PRMT8: variants seen among roughly 807,000 people sequenced by gnomAD.
The protein encoded by PRMT8 is protein arginine N-methyltransferase 8.
PRMT8 carries 7 observed loss-of-function variants against 47.1 expected under a neutral mutation model. The ratio of observed to expected loss-of-function variants is 0.15; its 90% CI spans 0.08 to 0.28. The LOEUF (loss-of-function observed/expected upper bound fraction) is 0.28. Ranked by LOEUF, PRMT8 falls within the 10% of genes least tolerant of loss-of-function variation. The pLI, the probability that PRMT8 is intolerant of heterozygous loss-of-function variation, is 1.00. For synonymous variants in PRMT8, 188 were observed against 186.5 expected (o/e 1.01, Z -0.07); for missense variants, 237 against 505.4 (o/e 0.47, Z 5.09).
intron 1 of PRMT8, among the ~76,000 whole-genome samples, chr12:3,532,763 A>C (rs73043230): frequency 0.13 from 19,006 of 151,924 alleles, 1,459 homozygotes; most frequent in East Asian, 0.29. Flanking sequence ...TTCAAACTTT[A>C]TGGTGTATCA....
At chr12:3,577,238 G>T in intron 7 of PRMT8, among the ~76,000 whole-genome samples, 1 of 152,256 alleles carries the variant, frequency 6.6e-6, no homozygotes, top group East Asian at 1.9e-4. Flanking sequence ...GCGTGCAGAA[G>T]GGTGGGGGTG....
intron 1 of PRMT8, among the ~76,000 whole-genome samples, chr12:3,439,784 C>T (rs7303490): frequency 0.86 from 130,571 of 152,230 alleles, 56,370 homozygotes; most frequent in Non-Finnish European, 0.91. Context: ...TGTATTGTCT[C>T]TGCTGTGGAT....
intron 1 of PRMT8, among the ~76,000 whole-genome samples, chr12:3,471,313 C>T (rs181224987): frequency 6.6e-6 from 1 of 152,182 alleles, no homozygotes; most frequent in East Asian, 1.9e-4. Context: ...TCTCTGCAAA[C>T]CCCAGGTGCT....
chr12:3,571,500 C>T (rs1245157114), intron 6 of PRMT8, among the ~76,000 whole-genome samples: 2 of 152,124 alleles, frequency 1.3e-5, no homozygotes, highest in Non-Finnish European at 2.9e-5. Flanking sequence ...GGAGCCTTTG[C>T]AGGTATGCAC....
chr12:3,517,362 C>T (rs901095856), intron 1 of PRMT8, among the ~76,000 whole-genome samples: 1 of 152,162 alleles, frequency 6.6e-6, no homozygotes, highest in Admixed American at 6.5e-5. Context: ...AGAGGGGAGA[C>T]ACATCCCACT....
chr12:3,534,781 A>C (rs1591590197), intron 1 of PRMT8, among the ~76,000 whole-genome samples: 1 of 152,232 alleles, frequency 6.6e-6, no homozygotes, highest in East Asian at 1.9e-4. Context: ...GCAGTAGCTC[A>C]GTTAAGCTTG....
chr12:3,491,414 G>C lies in PRMT8; in HGVS notation c.-212G>C. 2 of 1,333,590 alleles carry C rather than the reference G, an allele frequency of 1.5e-6. No individual in the cohort carries two copies. Among genetic ancestry groups the C allele is most frequent in the Non-Finnish European group, 1.9e-6 (2 of 1,042,310 alleles). 82.6% of individuals were successfully genotyped at this position (1,333,590 alleles called of 1,614,324 possible). On this transcript the variant is annotated 5_prime_UTR_variant, in exon 1 of 10. Coordinates refer to ENST00000382622, the MANE Select transcript of PRMT8 (RefSeq NM_019854.5). ...GAGAAGAACTTGAAACCGTGTGAAG[G>C]AATCCGGAGCAGATGAGAAGGGAGG...
intron 1 of PRMT8, among the ~76,000 whole-genome samples, chr12:3,510,909 G>A (rs902530127): frequency 2.0e-5 from 3 of 152,116 alleles, no homozygotes; most frequent in Non-Finnish European, 4.4e-5. Flanking sequence ...CCAGTTCCTC[G>A]GGCCCTCAGC....
chr12:3,419,629 G>A (rs967286510), intron 1 of PRMT8, among the ~76,000 whole-genome samples: 10 of 151,578 alleles, frequency 6.6e-5, no homozygotes, highest in South Asian at 2.1e-4. Flanking sequence ...CTCCATCCCC[G>A]CTACCACTCT....
chr12:3,457,921 C>A (rs1211203156), intron 1 of PRMT8, among the ~76,000 whole-genome samples: 2 of 140,204 alleles, frequency 1.4e-5, no homozygotes, highest in East Asian at 2.2e-4. Context: ...CAGCTCACTG[C>A]AACCTCCACC....
At position 3,449,320 on chromosome 12, in the gene PRMT8, C is replaced by T. The variant is rs199686070; in HGVS notation, c.48+67878C>T. Among the ~76,000 whole-genome samples, 143 of 152,296 alleles carry T rather than the reference C, an allele frequency of 9.4e-4. No homozygotes were observed. In the East Asian group the frequency reaches 0.025, roughly 26 times the overall value. On this transcript the variant is annotated intron_variant, in intron 1 of 9. Coordinates refer to the PRMT8 transcript ENST00000452611. ...CTTTGAGGAATTGCCATACTGTCTTCCACAATGGTTGAATGAATTTACACT... is the reference window on the plus strand; with the variant it reads ...CTTTGAGGAATTGCCATACTGTCTTTCACAATGGTTGAATGAATTTACACT...
intron 1 of PRMT8, among the ~76,000 whole-genome samples, chr12:3,421,374 A>G (rs1864538874): frequency 6.6e-6 from 1 of 152,216 alleles, no homozygotes; most frequent in African/African-American, 2.4e-5. Flanking sequence ...TTGGCAGAGC[A>G]GCAGAAGCAG....
chr12:3,447,977 G>C (rs1338878212), intron 1 of PRMT8, among the ~76,000 whole-genome samples: 3 of 152,120 alleles, frequency 2.0e-5, no homozygotes, highest in Admixed American at 2.0e-4. Flanking sequence ...AGAGTTAAAC[G>C]TTTTGGCCTC....
chr12:3,580,603 A>G lies in PRMT8; in HGVS notation c.829-2455A>G, dbSNP rs966027737. ...GTGCTGCTGTGCACTGAGGATACAC[A>G]GGACAATGAGGTGTAACTTCTGCCA... On this transcript the variant is annotated intron_variant, in intron 7 of 9. Coordinates refer to ENST00000382622, the MANE Select transcript of PRMT8 (RefSeq NM_019854.5). The surrounding 1 kb of genome is among the most constrained non-coding windows in gnomAD (Gnocchi z 4.6). Among the ~76,000 whole-genome samples, 2 of 152,226 alleles carry G rather than the reference A, an allele frequency of 1.3e-5. No individual in the cohort carries two copies. Among genetic ancestry groups the G allele is most frequent in the African/African-American group, 4.8e-5 (2 of 41,468 alleles).
chr12:3,391,313 G>C (rs1864190750), intron 1 of PRMT8, among the ~76,000 whole-genome samples: 1 of 152,196 alleles, frequency 6.6e-6, no homozygotes, highest in Non-Finnish European at 1.5e-5. Flanking sequence ...GCTTAGGAAG[G>C]TAGATATGAA....
chr12:3,562,997 C>A (rs558823479), intron 4 of PRMT8, among the ~76,000 whole-genome samples: 8 of 152,284 alleles, frequency 5.3e-5, no homozygotes, highest in African/African-American at 1.9e-4. Flanking sequence ...AGTACCAGTG[C>A]CTTCTTGATA....
At chr12:3,398,971 G>T (rs1864291893) in intron 1 of PRMT8, among the ~76,000 whole-genome samples, 1 of 152,194 alleles carries the variant, frequency 6.6e-6, no homozygotes, top group Non-Finnish European at 1.5e-5. Context: ...AAAGCTGTCA[G>T]CCATTCCTTT....
At chr12:3,585,345 CTT>C (rs71061123) in intron 8 of PRMT8, among the ~76,000 whole-genome samples, 1 of 45,774 alleles carries the variant, frequency 2.2e-5, no homozygotes, top group Non-Finnish European at 3.6e-5. Context: ...GAAAATGATG[CTT>C]TTTTTTTTTT....
intron 6 of PRMT8, among the ~76,000 whole-genome samples, chr12:3,575,862 T>C (rs1866932205): frequency 6.6e-6 from 1 of 151,990 alleles, no homozygotes; most frequent in African/African-American, 2.4e-5. Flanking sequence ...CTACTAAAAA[T>C]ACAAAAATTA....
Sources: allele counts gnomAD v4.1 joint callset (sites outside exome capture counted in the v4.1 genomes callset), GRCh38; gene constraint gnomAD v4.1.1; non-coding constraint Gnocchi (gnomAD v3.1); transcripts MANE v1.5; gene names NCBI Gene and HGNC (gene_info 2026-07-23, HGNC 2026-07-21).